The following PUM3 variants were observed in gnomAD, a reference collection of about 807,000 sequenced individuals.
PUM3 encodes pumilio homolog 3.
A neutral mutation model predicts 84.0 loss-of-function variants in PUM3; 91 were observed. The ratio of observed to expected loss-of-function variants is 1.08; its 90% confidence interval spans 0.91 to 1.29. PUM3 has a LOEUF of 1.29. PUM3 is among the 50% of genes most tolerant of loss of function. PUM3 has a pLI of 0.00. For missense variants in PUM3, 1,067 were observed against 767.5 expected (o/e 1.39, Z -4.61); for synonymous variants, 321 against 266.7 (o/e 1.20, Z -1.98).
chr9:2,811,690 C>CT, intron 14 of PUM3, 107 bp from the exon 15 acceptor site: 3 of 701,252 alleles, frequency 4.3e-6, no homozygotes, highest in Non-Finnish European at 7.3e-6. Context: ...GTATCGCACT[C>CT]TATTATTATT....
intron 1 of PUM3, among the ~76,000 whole-genome samples, chr9:2,843,558 C>T (rs1265507925): frequency 6.8e-6 from 1 of 146,750 alleles, no homozygotes; most frequent in Non-Finnish European, 1.5e-5. Flanking sequence ...GGAGAGAGGT[C>T]GGAGTCCCGC....
intron 7 of PUM3, among the ~76,000 whole-genome samples, chr9:2,830,333 C>T (rs1815942060): frequency 1.3e-5 from 2 of 152,158 alleles, no homozygotes; most frequent in Non-Finnish European, 1.5e-5. Context: ...ATATATTACA[C>T]TTTTTGTTGT....
chr9:2,810,285 G>A (rs937058105), intron 16 of PUM3, 59 bp downstream of exon 16: 13 of 1,120,966 alleles, frequency 1.2e-5, no homozygotes, highest in African/African-American at 7.7e-5. Flanking sequence ...GTTCAGGGAT[G>A]CCAGGAATTA....
intron 1 of PUM3, among the ~76,000 whole-genome samples, chr9:2,842,399 C>G (rs1007824204): frequency 6.6e-6 from 1 of 152,168 alleles, no homozygotes; most frequent in African/African-American, 2.4e-5. Context: ...AGTTCCAACT[C>G]AGGCATTCAC....
At position 2,829,886 on chromosome 9, in the gene PUM3, C is replaced by T. The variant is rs758633890; in HGVS notation, c.740G>A (p.Arg247Gln). Residue 247 changes from arginine (R) to glutamine (Q), a missense_variant, in exon 8 of 18, where the codon CGG (arginine) becomes CAG (glutamine). Arg to Gln is a conservative substitution (Grantham distance 43). Transcript: ENST00000397885. ...SFKGHVRKML[R>Q]HAEASAIVEY... ...CACGATGGCTGATGCTTCCGCATGC[C>T]GCAGCATCTTCCTCACGTGGCCTTT... is the stretch of plus-strand genomic sequence containing the variant. 62 of 1,613,702 alleles carry T rather than the reference C, an allele frequency of 3.8e-5. No individual in the cohort carries two copies. Among genetic ancestry groups the T allele is most frequent in the Non-Finnish European group, 5.0e-5 (59 of 1,179,780 alleles).
chr9:2,843,445 G>C (rs1056114296), intron 1 of PUM3, among the ~76,000 whole-genome samples: 1 of 152,070 alleles, frequency 6.6e-6, no homozygotes, highest in Non-Finnish European at 1.5e-5. Flanking sequence ...CACTGGAGTT[G>C]GGGTTTGTGA....
At chr9:2,831,431 G>C (rs1000866117) in intron 5 of PUM3, 87 bp from the exon 6 acceptor site, 12 of 844,460 alleles carry the variant, frequency 1.4e-5, no homozygotes, top group Admixed American at 2.7e-5. Context: ...GGAATTTCTT[G>C]TTAGAAAAAA....
rs1031319757 is a variant in PUM3 at position 2,811,385 on chromosome 9, C to T, written c.1611G>A (p.Leu537=). ...CCTCTCCGTCCTTGCCACCAGGATG[C>T]AGTCCTGTTGCTGCCAAGCTGGCGA... ...NAIASLAATG[L]HPGGKDGELH... The change falls in exon 15 of 18, where the codon CTG becomes CTA. Residue 537 remains leucine, a synonymous_variant. Transcript: ENST00000397885. The T allele has an allele frequency of 6.2e-7, 1 of 1,613,984 alleles. No individual in the cohort carries two copies. Among genetic ancestry groups the T allele is most frequent in the Non-Finnish European group, 8.5e-7 (1 of 1,180,024 alleles).
At chr9:2,826,443 T>C (rs1815821636) in intron 10 of PUM3, among the ~76,000 whole-genome samples, 1 of 151,372 alleles carries the variant, frequency 6.6e-6, no homozygotes, top group Non-Finnish European at 1.5e-5. Flanking sequence ...AAAACTCCAA[T>C]GAATGTATAG....
chr9:2,841,118 C>A (rs118190978), intron 1 of PUM3, among the ~76,000 whole-genome samples: 1 of 152,338 alleles, frequency 6.6e-6, no homozygotes, highest in Non-Finnish European at 1.5e-5. Flanking sequence ...CCTTCTCTGA[C>A]AGTGAGCAAC....
chr9:2,821,563 G>T (rs1815631306), intron 12 of PUM3, among the ~76,000 whole-genome samples: 1 of 151,514 alleles, frequency 6.6e-6, no homozygotes, highest in African/African-American at 2.4e-5. Context: ...TTAAAACAAT[G>T]AAATGCCATT....
chr9:2,808,499 A>G (rs1261082841), intron 16 of PUM3, among the ~76,000 whole-genome samples: 1 of 152,196 alleles, frequency 6.6e-6, no homozygotes, highest in Non-Finnish European at 1.5e-5. Context: ...TCACTTTGCA[A>G]TTAATGCTTG....
At chr9:2,830,833 A>G in intron 7 of PUM3, 129 bp downstream of exon 7, 3 of 604,686 alleles carry the variant, frequency 5.0e-6, no homozygotes, top group Non-Finnish European at 8.9e-6. Context: ...AAACAACACA[A>G]GCATCTGCTG....
At chr9:2,807,069 G>A (rs1163549672) in intron 17 of PUM3, among the ~76,000 whole-genome samples, 1 of 152,102 alleles carries the variant, frequency 6.6e-6, no homozygotes, top group Non-Finnish European at 1.5e-5. Context: ...TTAGCTGGGC[G>A]TGGTGGCGGG....
At position 2,834,027 on chromosome 9, in the gene PUM3, T is replaced by C. The variant is rs751867013; in HGVS notation, c.440+4A>G. ...CTAACAAAGGCATCTTTAGGTAGAA[T>C]TACCTTCTTAAAATCTCCCACATCT... On this transcript the variant is annotated splice_donor_region_variant and intron_variant, in intron 4 of 17. Transcript: ENST00000397885. 44 of 1,612,886 alleles carry C rather than the reference T, an allele frequency of 2.7e-5. No homozygotes were observed. The highest frequency in any genetic ancestry group is 3.6e-5 in the Non-Finnish European group (42 of 1,179,534).
At chr9:2,830,015 A>C in intron 7 of PUM3, 67 bp from the exon 8 acceptor site, 4 of 1,420,380 alleles carry the variant, frequency 2.8e-6, no homozygotes, top group Non-Finnish European at 3.9e-6. Context: ...ATAAAACACA[A>C]CTTACTTCTC....
intron 9 of PUM3, among the ~76,000 whole-genome samples, chr9:2,828,223 C>G (rs1192142337): frequency 6.6e-6 from 1 of 151,934 alleles, no homozygotes; most frequent in Non-Finnish European, 1.5e-5. Context: ...CTTATTTTTT[C>G]GTAGAGATGG....
At chr9:2,842,809 T>A (rs1816300066) in intron 1 of PUM3, among the ~76,000 whole-genome samples, 1 of 152,140 alleles carries the variant, frequency 6.6e-6, no homozygotes, top group East Asian at 1.9e-4. Flanking sequence ...ATTCTCTATG[T>A]TGTTCTTTAT....
At chr9:2,828,468 T>C (rs1815882739) in intron 9 of PUM3, 2 of 478,406 alleles carry the variant, frequency 4.2e-6, no homozygotes, top group East Asian at 3.6e-5. Flanking sequence ...GAATGCATGT[T>C]AGTTATCATT....
Sources: allele counts gnomAD v4.1 joint callset (sites outside exome capture counted in the v4.1 genomes callset), GRCh38; gene constraint gnomAD v4.1.1; transcripts MANE v1.5; gene names NCBI Gene and HGNC (gene_info 2026-07-23, HGNC 2026-07-21).